The following HACL1 variants were observed in gnomAD, a reference collection of about 807,000 sequenced individuals.
HACL1 encodes 1600020H07Rik.
Under a neutral mutation model 74.2 loss-of-function variants are expected in HACL1, and 64 were observed. The ratio of observed to expected loss-of-function variants is 0.86; its 90% CI spans 0.70 to 1.06. HACL1 has a LOEUF of 1.06. Ranked by LOEUF, HACL1 falls within the 50% of genes least tolerant of loss-of-function variation. The pLI, the probability that HACL1 is intolerant of heterozygous loss-of-function variation, is 0.00. For synonymous variants in HACL1, 230 were observed against 238.8 expected (o/e 0.96, Z 0.34); for missense variants, 728 against 719.7 (o/e 1.01, Z -0.13).
chr3:15,590,018 G>C (rs1392438528), intron 4 of HACL1, among the ~76,000 whole-genome samples: 10 of 152,010 alleles, frequency 6.6e-5, no homozygotes, highest in Middle Eastern at 3.4e-3. Context: ...CTGGGCAACA[G>C]AGCAAGACTC....
Position 15,564,548 on chromosome 3 carries a change from T to C in HACL1, c.1517+3A>G, listed in dbSNP as rs182631548. 1.0e-4 allele frequency: 131 copies of C among 1,271,584 alleles called. 1 individual carries two copies. In the East Asian group the frequency reaches 2.5e-3, roughly 24 times the overall value. 78.8% of individuals were successfully genotyped at this position (1,271,584 alleles called of 1,614,324 possible). ...TAAACAGACATTGGTCTTGGTTACT[T>C]ACACTGCAGTAGCATCTTGAAATTT... On this transcript the variant is annotated splice_donor_region_variant and intron_variant, in intron 15 of 16. Coordinates refer to ENST00000321169, the MANE Select transcript of HACL1 (RefSeq NM_012260.4).
intron 11 of HACL1, 146 bp downstream of exon 11, chr3:15,573,013 A>G (rs1469612271): frequency 1.8e-6 from 1 of 556,048 alleles, no homozygotes; most frequent in African/African-American, 1.9e-5. Flanking sequence ...CCAAAGTTGT[A>G]TTTAAGAATA....
At chr3:15,586,160 G>A (rs1238439544) in intron 6 of HACL1, among the ~76,000 whole-genome samples, 2 of 152,076 alleles carry the variant, frequency 1.3e-5, no homozygotes, top group Non-Finnish European at 2.9e-5. Context: ...ATTAACTAAC[G>A]GAGGGTCTTA....
At chr3:15,576,069 T>C (rs1307739318) in intron 9 of HACL1, among the ~76,000 whole-genome samples, 1 of 70,308 alleles carries the variant, frequency 1.4e-5, no homozygotes, top group African/African-American at 6.3e-5. Flanking sequence ...GGCAGAAGAA[T>C]TGCTTGAGCT....
chr3:15,592,485 CTT>C lies in HACL1; in HGVS notation c.228-807_228-806del, dbSNP rs1559561750. On this transcript the variant is annotated intron_variant, in intron 3 of 16. Transcript: ENST00000321169. ...ATACATACACACACGTATACATACA[CTT>C]GTATACATATACACTTGTATATACA... 3.4e-3 allele frequency among the ~76,000 whole-genome samples: 495 copies of C among 146,470 alleles called. 3 individuals carry two copies. Among genetic ancestry groups the C allele is most frequent in the East Asian group, 6.3e-3 (31 of 4,952 alleles).
chr3:15,573,794 C>T (rs962013741), intron 10 of HACL1, among the ~76,000 whole-genome samples: 2 of 152,162 alleles, frequency 1.3e-5, no homozygotes, highest in African/African-American at 2.4e-5. Flanking sequence ...GAACATGGCA[C>T]GATTACTTCT....
intron 10 of HACL1, among the ~76,000 whole-genome samples, chr3:15,574,337 C>T (rs530399470): frequency 1.6e-4 from 25 of 152,308 alleles, no homozygotes; most frequent in African/African-American, 5.3e-4. Context: ...CACTGCACTC[C>T]TGCCTGGGTG....
intron 12 of HACL1, among the ~76,000 whole-genome samples, chr3:15,569,047 G>GT (rs2063480205): frequency 6.6e-6 from 1 of 152,116 alleles, no homozygotes; most frequent in Non-Finnish European, 1.5e-5. Context: ...TGAAAATCTA[G>GT]TTTTTCCCCC....
chr3:15,571,819 C>CT, intron 11 of HACL1, 50 bp from the exon 12 acceptor site: 9 of 477,960 alleles, frequency 1.9e-5, no homozygotes, highest in South Asian at 1.0e-4. Context: ...TTTTTCTTTG[C>CT]CTTTTTTTTC....
chr3:15,597,639 A>C (rs2064091511), intron 2 of HACL1, among the ~76,000 whole-genome samples: 1 of 151,758 alleles, frequency 6.6e-6, no homozygotes, highest in Non-Finnish European at 1.5e-5. Context: ...GTGGAAAAAA[A>C]AAAAAAGGAA....
At chr3:15,585,042 T>C (rs1490934339) in intron 7 of HACL1, among the ~76,000 whole-genome samples, 1 of 152,240 alleles carries the variant, frequency 6.6e-6, no homozygotes, top group Non-Finnish European at 1.5e-5. Flanking sequence ...GTATTTGGTT[T>C]AGTAATTAAA....
intron 13 of HACL1, 141 bp downstream of exon 13, chr3:15,568,291 C>G (rs1049289763): frequency 1.6e-5 from 10 of 635,714 alleles, no homozygotes; most frequent in Admixed American, 9.3e-5. Flanking sequence ...CAAAACCTCA[C>G]CTAAGGATAC....
chr3:15,565,992 G>T (rs1015822934), intron 14 of HACL1, among the ~76,000 whole-genome samples: 3 of 152,052 alleles, frequency 2.0e-5, no homozygotes, highest in African/African-American at 4.8e-5. Flanking sequence ...AATATATGGG[G>T]GGTATGCATA....
intron 14 of HACL1, among the ~76,000 whole-genome samples, chr3:15,565,863 G>C (rs1298889371): frequency 6.6e-6 from 1 of 152,174 alleles, no homozygotes; most frequent in East Asian, 1.9e-4. Flanking sequence ...AATTGGATCT[G>C]TACTCAACAT....
chr3:15,566,815 C>CTTT (rs1156234795), intron 14 of HACL1, among the ~76,000 whole-genome samples: 19 of 92,460 alleles, frequency 2.1e-4, no homozygotes, highest in Non-Finnish European at 2.5e-4. Flanking sequence ...GGTTAAGTGA[C>CTTT]TTTTTTTTTT....
At chr3:15,590,808 C>T (rs750134863) in intron 4 of HACL1, among the ~76,000 whole-genome samples, 7 of 152,282 alleles carry the variant, frequency 4.6e-5, no homozygotes, top group Non-Finnish European at 7.4e-5. Context: ...CAGCTGGGTG[C>T]GGTGGCTCAT....
At chr3:15,601,297 C>A in intron 1 of HACL1, 86 bp downstream of exon 1, 2 of 1,584,230 alleles carry the variant, frequency 1.3e-6, no homozygotes, top group Non-Finnish European at 1.7e-6. Context: ...CGACCCCCAT[C>A]GCCCATTTCT....
intron 12 of HACL1, 66 bp from the exon 13 acceptor site, chr3:15,568,652 A>AGTTT: frequency 1.1e-6 from 1 of 900,950 alleles, no homozygotes; most frequent in Non-Finnish European, 1.7e-6. Flanking sequence ...AATGTTAATA[A>AGTTT]GATGCTATCA....
intron 5 of HACL1, among the ~76,000 whole-genome samples, chr3:15,588,734 C>T (rs1206500345): frequency 1.3e-5 from 2 of 151,360 alleles, no homozygotes; most frequent in Non-Finnish European, 1.5e-5. Flanking sequence ...AATACAGTTA[C>T]GAACCACGTG....
Sources: allele counts gnomAD v4.1 joint callset (sites outside exome capture counted in the v4.1 genomes callset), GRCh38; gene constraint gnomAD v4.1.1; transcripts MANE v1.5; gene names NCBI Gene and HGNC (gene_info 2026-07-23, HGNC 2026-07-21).